PDE4D: variants seen among roughly 807,000 people sequenced by gnomAD.
PDE4D encodes phosphodiesterase 4D.
In PDE4D, 24 loss-of-function variants were observed where a neutral mutation model predicts 87.4. That is an observed-to-expected ratio of 0.27 (90% CI 0.20 to 0.39). PDE4D has a LOEUF of 0.39. PDE4D is among the 10% of genes least tolerant of loss of function. The pLI, the probability that PDE4D is intolerant of heterozygous loss-of-function variation, is 1.00. For missense variants in PDE4D, 714 were observed against 1,041.0 expected, an observed-to-expected ratio of 0.69 and a Z score of 4.32; for synonymous variants, 384 against 383.2, an observed-to-expected ratio of 1.00 and a Z score of -0.02.
chr5:59,723,691 T>C (rs1235877883), intron 1 of PDE4D, among the ~76,000 whole-genome samples: 3 of 152,180 alleles, frequency 2.0e-5, no homozygotes, highest in African/African-American at 7.2e-5. Context: ...AATACCCATA[T>C]GGGTTTTCAC....
intron 2 of PDE4D, among the ~76,000 whole-genome samples, chr5:60,111,021 G>T (rs1053761844): frequency 2.0e-5 from 3 of 152,000 alleles, no homozygotes; most frequent in Admixed American, 6.6e-5. Flanking sequence ...GGGAAGAGGA[G>T]GATGGGAAGG....
At chr5:59,502,830 C>T (rs1288731424) in intron 1 of PDE4D, among the ~76,000 whole-genome samples, 1 of 150,578 alleles carries the variant, frequency 6.6e-6, no homozygotes, top group Non-Finnish European at 1.5e-5. Flanking sequence ...GACAAACTAA[C>T]ATCTGATTCC....
Position 59,392,628 on chromosome 5 carries a change from G to T in PDE4D, c.456-176660C>A, listed in dbSNP as rs572739030. Among the ~76,000 whole-genome samples the T allele has an allele frequency of 4.6e-5, 7 of 151,938 alleles. No homozygotes were observed. The South Asian group carries it at 1.5e-3, about 32-fold the overall frequency. The stretch of plus-strand genomic sequence containing the variant: ...CTGTGTTCTCTTGAAAAATCAGAAA[G>T]CCTGCCAACCCTGGCCTATATTTTC... On this transcript the variant is annotated intron_variant, in intron 1 of 14. Coordinates refer to ENST00000340635, the MANE Select transcript of PDE4D (RefSeq NM_001104631.2).
chr5:60,102,918 TA>T (rs1413548535), intron 2 of PDE4D, among the ~76,000 whole-genome samples: 1 of 151,462 alleles, frequency 6.6e-6, no homozygotes, highest in Non-Finnish European at 1.5e-5. Flanking sequence ...GTCCTCACAC[TA>T]AATCCATTTT....
upstream of PDE4D, chr5:60,491,243 T>G (rs1208605512): frequency 6.6e-6 from 1 of 152,182 alleles, no homozygotes; most frequent in East Asian, 1.9e-4. Context: ...ATGCTTTAAT[T>G]CAAATTAAAA....
At chr5:59,273,742 T>C (rs894064682) in intron 1 of PDE4D, among the ~76,000 whole-genome samples, 1 of 152,096 alleles carries the variant, frequency 6.6e-6, no homozygotes, top group Non-Finnish European at 1.5e-5. Flanking sequence ...ATCAAAATAT[T>C]TAAAAATGCA....
At chr5:59,160,827 G>A (rs1276022444) in intron 5 of PDE4D, among the ~76,000 whole-genome samples, 3 of 152,140 alleles carry the variant, frequency 2.0e-5, no homozygotes, top group Admixed American at 2.0e-4. Flanking sequence ...GCCGGGTGTG[G>A]TGGCTCACGC....
At chr5:59,324,225 GT>G (rs1775239634) in intron 1 of PDE4D, among the ~76,000 whole-genome samples, 1 of 152,124 alleles carries the variant, frequency 6.6e-6, no homozygotes, top group Admixed American at 6.6e-5. Flanking sequence ...GCATTTACAT[GT>G]TTCCCTGTAG....
intron 1 of PDE4D, among the ~76,000 whole-genome samples, chr5:59,776,225 G>C (rs1028832682): frequency 2.6e-5 from 4 of 152,050 alleles, no homozygotes. Context: ...TAATAAGTTA[G>C]CAAAGTCACC....
rs1010996882 is a variant in PDE4D at position 59,379,243 on chromosome 5, T to G, written c.456-163275A>C. On this transcript the variant is annotated intron_variant, in intron 1 of 14. Coordinates refer to ENST00000340635, the MANE Select transcript of PDE4D (RefSeq NM_001104631.2). Reference sequence around the variant, plus strand: ...TCATTTAAATTGATTGCCTGATACATAAATAATTTCCTTATAACCTTCTGA... The same window carrying G: ...TCATTTAAATTGATTGCCTGATACAGAAATAATTTCCTTATAACCTTCTGA... 2.6e-5 allele frequency among the ~76,000 whole-genome samples: 4 copies of G among 152,262 alleles called. No homozygotes were observed. In the East Asian group the frequency reaches 7.7e-4, roughly 29 times the overall value.
chr5:59,542,408 C>A (rs1816512022), intron 1 of PDE4D, among the ~76,000 whole-genome samples: 1 of 152,138 alleles, frequency 6.6e-6, no homozygotes, highest in African/African-American at 2.4e-5. Context: ...AACATATTTT[C>A]AGAGAGTAAT....
At chr5:60,299,042 T>C (rs539911943) in intron 1 of PDE4D, among the ~76,000 whole-genome samples, 2 of 152,222 alleles carry the variant, frequency 1.3e-5, no homozygotes, top group African/African-American at 2.4e-5. Context: ...TACTGGATTG[T>C]GTCTTCATTC....
chr5:59,097,132 A>G (rs1164081968), intron 5 of PDE4D, among the ~76,000 whole-genome samples: 5 of 152,234 alleles, frequency 3.3e-5, no homozygotes, highest in Admixed American at 3.3e-4. Context: ...TGGAATTGGC[A>G]AATGACAAGG....
At chr5:60,166,255 T>A (rs993735064) in intron 2 of PDE4D, among the ~76,000 whole-genome samples, 1 of 152,118 alleles carries the variant, frequency 6.6e-6, no homozygotes, top group African/African-American at 2.4e-5. Flanking sequence ...CCACCACGCC[T>A]GTCTAATTTT....
chr5:60,189,687 C>T (rs1785056074), intron 1 of PDE4D, among the ~76,000 whole-genome samples: 1 of 152,182 alleles, frequency 6.6e-6, no homozygotes, highest in South Asian at 2.1e-4. Flanking sequence ...TCTTTAATCT[C>T]CTCTTTTTGA....
At chr5:59,094,636 A>G (rs775088480) in intron 5 of PDE4D, among the ~76,000 whole-genome samples, 1 of 152,210 alleles carries the variant, frequency 6.6e-6, no homozygotes, top group Non-Finnish European at 1.5e-5. Flanking sequence ...AAAAATTTCT[A>G]CACAGAAAAA....
intron 1 of PDE4D, among the ~76,000 whole-genome samples, chr5:59,617,704 C>T (rs545894387): frequency 6.6e-6 from 1 of 152,344 alleles, no homozygotes; most frequent in Non-Finnish European, 1.5e-5. Flanking sequence ...GGAACAGTTC[C>T]TTCCCTAGCT....
intron 1 of PDE4D, among the ~76,000 whole-genome samples, chr5:60,282,802 T>C (rs1436121302): frequency 1.3e-5 from 2 of 152,246 alleles, no homozygotes; most frequent in African/African-American, 4.8e-5. Context: ...GGAAGCATGA[T>C]ATTTAGTGTC....
intron 1 of PDE4D, among the ~76,000 whole-genome samples, chr5:60,388,444 G>A (rs1316835193): frequency 6.6e-6 from 1 of 151,912 alleles, no homozygotes; most frequent in African/African-American, 2.4e-5. Context: ...TTGTTACACA[G>A]GTATACATGT....
Sources: allele counts gnomAD v4.1 joint callset (sites outside exome capture counted in the v4.1 genomes callset), GRCh38; gene constraint gnomAD v4.1.1; transcripts MANE v1.5; gene names NCBI Gene and HGNC (gene_info 2026-07-23, HGNC 2026-07-21).